The following PARD3B variants were observed in gnomAD, a reference collection of about 807,000 sequenced individuals.
PARD3B encodes the protein partitioning defective 3 homolog B.
Under a neutral mutation model 130.2 loss-of-function variants are expected in PARD3B, and 103 were observed. The ratio of observed to expected loss-of-function variants is 0.79; its 90% confidence interval spans 0.67 to 0.93. The LOEUF (loss-of-function observed/expected upper bound fraction) is 0.93, where lower values mean the gene tolerates loss of function less well. PARD3B is among the 40% of genes least tolerant of loss of function. The pLI is 0.00. For synonymous variants in PARD3B, 583 were observed against 553.2 expected (o/e 1.05, Z -0.76); for missense variants, 1,609 against 1,499.2 (o/e 1.07, Z -1.21).
intron 10 of PARD3B, among the ~76,000 whole-genome samples, chr2:205,156,775 G>A (rs1378517200): frequency 6.6e-6 from 1 of 152,082 alleles, no homozygotes; most frequent in East Asian, 1.9e-4. Context: ...TTAGCCTCTA[G>A]TATATTGTTT....
At chr2:204,603,176 C>A (rs1039394442) in intron 1 of PARD3B, among the ~76,000 whole-genome samples, 1 of 152,106 alleles carries the variant, frequency 6.6e-6, no homozygotes, top group Admixed American at 6.6e-5. Context: ...ATCCTTATCA[C>A]ATAACCTGAG....
At chr2:204,584,196 CA>C (rs2032717464) in intron 1 of PARD3B, among the ~76,000 whole-genome samples, 1 of 152,060 alleles carries the variant, frequency 6.6e-6, no homozygotes, top group African/African-American at 2.4e-5. Context: ...CAGGAGACTC[CA>C]ATGTGATGGG....
At chr2:205,195,735 A>C (rs1020297335) in intron 15 of PARD3B, among the ~76,000 whole-genome samples, 1 of 152,180 alleles carries the variant, frequency 6.6e-6, no homozygotes, top group African/African-American at 2.4e-5. Flanking sequence ...ACATTCTTTA[A>C]AACGTCTTAA....
In PARD3B at chr2:205,221,520, A is replaced by G. The variant is rs577451286; in HGVS notation, c.2141-24258A>G. Among the ~76,000 whole-genome samples the G allele has an allele frequency of 3.9e-5, 6 of 152,254 alleles. No homozygotes were observed. In the East Asian group the frequency reaches 1.2e-3, roughly 29 times the overall value. ...TTTGGTGAGGGTGTCAGTGAAAGGG[A>G]GATGTGGGTCCTAGGGTGCTCCATG... On this transcript the variant is annotated intron_variant, in intron 15 of 22. Coordinates refer to ENST00000406610, the MANE Select transcript of PARD3B (RefSeq NM_001302769.2).
intron 22 of PARD3B, among the ~76,000 whole-genome samples, chr2:205,600,920 T>C (rs2054760685): frequency 6.6e-6 from 1 of 152,226 alleles, no homozygotes; most frequent in Non-Finnish European, 1.5e-5. Context: ...GGCATTTGAG[T>C]TGATTCCATG....
rs747812602 is a variant in PARD3B, at chr2:205,301,798, C to G, written c.2630+97C>G. 1.9e-6 allele frequency: 3 copies of G among 1,574,676 alleles called. No homozygotes were observed. Among genetic ancestry groups the G allele is most frequent in the Non-Finnish European group, 2.6e-6 (3 of 1,144,172 alleles). The stretch of plus-strand genomic sequence containing the variant: ...ACTCAGAAAAAAGCGCACGCTTTTC[C>G]TCGTCTTCAGCCAAATGCATACGGC... On this transcript the variant is annotated intron_variant, in intron 18 of 22. Coordinates refer to ENST00000406610, the MANE Select transcript of PARD3B (RefSeq NM_001302769.2). The surrounding 1 kb of genome is among the most constrained non-coding windows in gnomAD (Gnocchi z 5.2).
At chr2:205,468,712 C>A (rs1486282078) in intron 20 of PARD3B, among the ~76,000 whole-genome samples, 1 of 152,164 alleles carries the variant, frequency 6.6e-6, no homozygotes, top group Non-Finnish European at 1.5e-5. Flanking sequence ...AGGTACTTCT[C>A]ACTGTTGGGT....
intron 2 of PARD3B, among the ~76,000 whole-genome samples, chr2:204,804,364 C>T (rs929419092): frequency 6.6e-6 from 1 of 152,038 alleles, no homozygotes; most frequent in Non-Finnish European, 1.5e-5. Flanking sequence ...TTTTATAAGA[C>T]AAACTAGATT....
intron 5 of PARD3B, among the ~76,000 whole-genome samples, chr2:205,110,635 T>G (rs28631573): frequency 3.8e-4 from 41 of 108,060 alleles, no homozygotes; most frequent in African/African-American, 1.3e-3. Context: ...CTGTTTTTTG[T>G]TTTTTGTTTT....
At chr2:205,567,128 C>T (rs544271872) in intron 22 of PARD3B, among the ~76,000 whole-genome samples, 20 of 151,876 alleles carry the variant, frequency 1.3e-4, no homozygotes, top group African/African-American at 4.8e-4. Flanking sequence ...AACAAGTATC[C>T]AATTTACTCT....
intron 3 of PARD3B, among the ~76,000 whole-genome samples, chr2:205,045,764 C>CAT (rs367642863): frequency 1.5e-4 from 22 of 151,202 alleles, no homozygotes; most frequent in African/African-American, 4.9e-4. Flanking sequence ...TCTCTCTCTC[C>CAT]ATATATACAC....
intron 12 of PARD3B, among the ~76,000 whole-genome samples, chr2:205,174,311 A>C (rs936521789): frequency 6.6e-6 from 1 of 152,214 alleles, no homozygotes; most frequent in Non-Finnish European, 1.5e-5. Context: ...TGGGTCAAAA[A>C]GCAATTTCTA....
rs1702095523 is a variant in PARD3B, at chr2:205,091,375, G to C, written c.505-13051G>C. ...ATGTGGAGTGATGTATTTTCAAAGA[G>C]GCTCCAGAAAAGATCGCAGCATTGG... On this transcript the variant is annotated intron_variant, in intron 4 of 22. Transcript: ENST00000406610. This position sits in a 1 kb window ranked among gnomAD's most constrained non-coding sequence, Gnocchi z 4.2. Among the ~76,000 whole-genome samples, 1 of 152,030 alleles carries C rather than the reference G, an allele frequency of 6.6e-6. No homozygotes were observed. Among genetic ancestry groups the C allele is most frequent in the Non-Finnish European group, 1.5e-5 (1 of 68,024 alleles).
intron 18 of PARD3B, among the ~76,000 whole-genome samples, chr2:205,365,200 C>CAAA (rs34761577): frequency 7.8e-6 from 1 of 127,820 alleles, no homozygotes; most frequent in Admixed American, 7.9e-5. Context: ...AACTCCGTGT[C>CAAA]AAAAAAAAAA....
In PARD3B at chr2:205,263,820, G is replaced by T. The variant is rs2040405837; in HGVS notation, c.2185+17998G>T. 6.6e-6 allele frequency among the ~76,000 whole-genome samples: 1 copy of T among 151,066 alleles called. No homozygotes were observed. Among genetic ancestry groups the T allele is most frequent in the Non-Finnish European group, 1.5e-5 (1 of 67,602 alleles). On this transcript the variant is annotated intron_variant, in intron 16 of 22. Transcript: ENST00000406610. This position sits in a 1 kb window ranked among gnomAD's most constrained non-coding sequence, Gnocchi z 4.0. ...ATTTGAAAAACACATATCCAACAAAGGATCTGTATACAGAATATATAAAAG... is the reference window on the plus strand; with the variant it reads ...ATTTGAAAAACACATATCCAACAAATGATCTGTATACAGAATATATAAAAG...
intron 16 of PARD3B, among the ~76,000 whole-genome samples, chr2:205,278,226 G>C (rs1413043570): frequency 6.6e-6 from 1 of 152,166 alleles, no homozygotes; most frequent in Non-Finnish European, 1.5e-5. Flanking sequence ...CAGAGAGCAA[G>C]GAGAAAGTCG....
At chr2:205,243,454 C>G (rs1036154480) in intron 15 of PARD3B, among the ~76,000 whole-genome samples, 9 of 152,100 alleles carry the variant, frequency 5.9e-5, no homozygotes, top group African/African-American at 1.4e-4. Flanking sequence ...TGTTTCCAAA[C>G]AAGGATTCCA....
intron 2 of PARD3B, among the ~76,000 whole-genome samples, chr2:204,897,020 G>T (rs1165142000): frequency 6.6e-6 from 1 of 151,978 alleles, no homozygotes; most frequent in South Asian, 2.1e-4. Flanking sequence ...AATTAATTGT[G>T]TGCTATTCTT....
rs2034362027 is a variant in PARD3B at position 204,623,122 on chromosome 2, G to A, written c.121-63059G>A. 6.6e-6 allele frequency among the ~76,000 whole-genome samples: 1 copy of A among 152,016 alleles called. No individual in the cohort carries two copies. The highest frequency in any genetic ancestry group is 1.9e-4 in the East Asian group (1 of 5,188). On this transcript the variant is annotated intron_variant, in intron 1 of 22. Coordinates refer to ENST00000406610, the MANE Select transcript of PARD3B (RefSeq NM_001302769.2). This position sits in a 1 kb window ranked among gnomAD's most constrained non-coding sequence, Gnocchi z 4.5. The stretch of plus-strand genomic sequence containing the variant: ...TAGTTTTTGGCTGTATCCTTAGCCA[G>A]CAATTTTTATTTTTTAAAACTCTTT...
Sources: allele counts gnomAD v4.1 joint callset (sites outside exome capture counted in the v4.1 genomes callset), GRCh38; gene constraint gnomAD v4.1.1; non-coding constraint Gnocchi (gnomAD v3.1); transcripts MANE v1.5; gene names NCBI Gene and HGNC (gene_info 2026-07-23, HGNC 2026-07-21).